Variants in SLC38A12 observed in about 807,000 individuals in gnomAD.
The protein encoded by SLC38A12 is solute carrier family 38 member 12.
At chr17:74,839,179 G>A in the SLC38A12 span, 13 of 1,496,286 alleles carry the variant, frequency 8.7e-6, no homozygotes, top group African/African-American at 1.5e-4. Flanking sequence ...TTATAGATGG[G>A]GCGGATGGCA....
the SLC38A12 span, among the ~76,000 whole-genome samples, chr17:74,830,344 G>A: frequency 5.9e-5 from 9 of 152,216 alleles, no homozygotes; most frequent in African/African-American, 9.6e-5. Flanking sequence ...CACCTTTGCC[G>A]TTTGGCAGGT....
the SLC38A12 span, among the ~76,000 whole-genome samples, chr17:74,795,799 G>C: frequency 6.6e-6 from 1 of 152,180 alleles, no homozygotes; most frequent in South Asian, 2.1e-4. Context: ...GAAATGGATC[G>C]TGTCACTAAG....
At chr17:74,839,335 G>A in the SLC38A12 span, 1 of 676,358 alleles carries the variant, frequency 1.5e-6, no homozygotes, top group Non-Finnish European at 2.3e-6. Context: ...GGGGAGGACA[G>A]GGGCTGCTGC....
the SLC38A12 span, among the ~76,000 whole-genome samples, chr17:74,833,515 CCA>C: frequency 6.0e-4 from 91 of 152,320 alleles, no homozygotes; most frequent in East Asian, 0.011. Context: ...TGAGGAAATC[CCA>C]CAGTCAGGGC....
the SLC38A12 span, among the ~76,000 whole-genome samples, chr17:74,789,432 A>T: frequency 6.6e-6 from 1 of 151,648 alleles, no homozygotes; most frequent in African/African-American, 2.4e-5. Context: ...CAGGAGGCTG[A>T]GGCACAAGAA....
At chr17:74,819,836 A>T in the SLC38A12 span, 1 of 1,613,860 alleles carries the variant, frequency 6.2e-7, no homozygotes, top group Admixed American at 1.7e-5. Flanking sequence ...CTCTGATGAG[A>T]TGGATCGGTG....
the SLC38A12 span, among the ~76,000 whole-genome samples, chr17:74,831,184 T>G: frequency 6.6e-6 from 1 of 151,758 alleles, no homozygotes; most frequent in Non-Finnish European, 1.5e-5. Context: ...GGGGATCTCA[T>G]CATGTACCCC....
the SLC38A12 span, among the ~76,000 whole-genome samples, chr17:74,818,580 CAG>C: frequency 6.6e-6 from 1 of 152,178 alleles, no homozygotes; most frequent in Admixed American, 6.5e-5. Context: ...CTGTCAGTCA[CAG>C]GGGCTGGCCG....
the SLC38A12 span, among the ~76,000 whole-genome samples, chr17:74,788,463 C>T: frequency 6.6e-6 from 1 of 152,180 alleles, no homozygotes; most frequent in African/African-American, 2.4e-5. Context: ...CTGATGTCTG[C>T]CCCCAACAGC....
At chr17:74,790,672 C>T in the SLC38A12 span, among the ~76,000 whole-genome samples, 1 of 151,556 alleles carries the variant, frequency 6.6e-6, no homozygotes, top group Non-Finnish European at 1.5e-5. Context: ...CCCTCATGTT[C>T]ATACATGCCC....
At chr17:74,817,179 T>C in the SLC38A12 span, among the ~76,000 whole-genome samples, 1 of 152,144 alleles carries the variant, frequency 6.6e-6, no homozygotes, top group Non-Finnish European at 1.5e-5. Flanking sequence ...TAGCCCCAGC[T>C]CGCAGTCTGT....
chr17:74,826,496 G>A, the SLC38A12 span, among the ~76,000 whole-genome samples: 1 of 152,266 alleles, frequency 6.6e-6, no homozygotes. Flanking sequence ...AAGATCAGTT[G>A]GCTTTAGATT....
chr17:74,778,325 A>C, the SLC38A12 span, among the ~76,000 whole-genome samples: 1 of 152,358 alleles, frequency 6.6e-6, no homozygotes, highest in Admixed American at 6.5e-5. Flanking sequence ...TGGTTGACTC[A>C]GGTTGCTACC....
chr17:74,813,362 AC>A, the SLC38A12 span, among the ~76,000 whole-genome samples: 1 of 151,940 alleles, frequency 6.6e-6, no homozygotes, highest in Non-Finnish European at 1.5e-5. Flanking sequence ...ATTGTGTGTC[AC>A]TCTTTGTCCC....
At chr17:74,838,999 A>G in the SLC38A12 span, 1 of 1,535,730 alleles carries the variant, frequency 6.5e-7, no homozygotes, top group Non-Finnish European at 8.7e-7. Context: ...TCTACCCAAC[A>G]TCTGCCACCT....
chr17:74,817,733 G>T, the SLC38A12 span, among the ~76,000 whole-genome samples: 1 of 152,130 alleles, frequency 6.6e-6, no homozygotes, highest in Non-Finnish European at 1.5e-5. Context: ...CAGCCTGCAG[G>T]AGCATTCCCT....
chr17:74,796,174 T>G, the SLC38A12 span, among the ~76,000 whole-genome samples: 2 of 152,144 alleles, frequency 1.3e-5, no homozygotes, highest in South Asian at 4.1e-4. Flanking sequence ...GTGCCGTTGG[T>G]GGGGGGCAGG....
At chr17:74,838,387 T>C in the SLC38A12 span, 12 of 997,020 alleles carry the variant, frequency 1.2e-5, no homozygotes, top group Non-Finnish European at 1.4e-5. Flanking sequence ...GGCTGAAAAC[T>C]CAAAACATCT....
the SLC38A12 span, among the ~76,000 whole-genome samples, chr17:74,818,261 A>G: frequency 6.6e-6 from 1 of 151,968 alleles, no homozygotes; most frequent in Non-Finnish European, 1.5e-5. Context: ...CCCATCCCCC[A>G]AGCCTGATAG....
Sources: allele counts gnomAD v4.1 joint callset (sites outside exome capture counted in the v4.1 genomes callset), GRCh38; gene constraint gnomAD v4.1.1; transcripts MANE v1.5; gene names NCBI Gene and HGNC (gene_info 2026-07-23, HGNC 2026-07-21).